KIF6: variants seen among roughly 807,000 people sequenced by gnomAD.
The protein encoded by KIF6 is kinesin-like protein KIF6.
A neutral mutation model predicts 112.7 loss-of-function variants in KIF6; 106 were observed. That is an observed-to-expected ratio of 0.94 (90% confidence interval 0.80 to 1.11). The LOEUF (loss-of-function observed/expected upper bound fraction) is 1.11. KIF6 is among the 50% of genes least tolerant of loss of function. The probability of loss-of-function intolerance (pLI) is 0.00; values close to 1 mark genes in which losing one functional copy is unlikely to be tolerated. For missense variants in KIF6, 929 were observed against 964.0 expected, an observed-to-expected ratio of 0.96 and a Z score of 0.48; for synonymous variants, 339 against 339.9, an observed-to-expected ratio of 1.00 and a Z score of 0.03.
chr6:39,421,553 A>G (rs906472417), intron 14 of KIF6, among the ~76,000 whole-genome samples: 1 of 152,222 alleles, frequency 6.6e-6, no homozygotes, highest in East Asian at 1.9e-4. Flanking sequence ...AGCAAAGGCC[A>G]GAGTGCCACG....
At chr6:39,440,396 G>A (rs761504869) in intron 13 of KIF6, among the ~76,000 whole-genome samples, 1 of 152,086 alleles carries the variant, frequency 6.6e-6, no homozygotes, top group Admixed American at 6.5e-5. Context: ...ATACAAGAAT[G>A]AGAAGCAATG....
At chr6:39,399,426 C>A (rs1768520410) in intron 15 of KIF6, among the ~76,000 whole-genome samples, 1 of 152,202 alleles carries the variant, frequency 6.6e-6, no homozygotes, top group Non-Finnish European at 1.5e-5. Context: ...GGTCCTGCGA[C>A]TAAAGAACCG....
At chr6:39,677,077 T>C (rs1011111154) in intron 3 of KIF6, among the ~76,000 whole-genome samples, 1 of 152,138 alleles carries the variant, frequency 6.6e-6, no homozygotes, top group Non-Finnish European at 1.5e-5. Context: ...TGTGATCATA[T>C]CAATATGCTT....
intron 13 of KIF6, among the ~76,000 whole-genome samples, chr6:39,474,002 A>G (rs1207944220): frequency 6.6e-6 from 1 of 152,148 alleles, no homozygotes; most frequent in African/African-American, 2.4e-5. Flanking sequence ...TGGTCTCTGG[A>G]AAATCCGATC....
intron 12 of KIF6, among the ~76,000 whole-genome samples, chr6:39,540,622 C>G (rs1327806353): frequency 1.3e-5 from 2 of 152,368 alleles, no homozygotes; most frequent in East Asian, 3.9e-4. Flanking sequence ...CGAGCACGCG[C>G]CTGCTCGGGA....
chr6:39,584,417 TAAAAAAAA>T lies in KIF6; in HGVS notation c.1077+473_1077+480del, dbSNP rs61215070. 1.2e-3 allele frequency among the ~76,000 whole-genome samples: 55 copies of T among 46,054 alleles called. 2 individuals are homozygous for T. Among genetic ancestry groups the T allele is most frequent in the African/African-American group, 1.7e-3 (35 of 21,036 alleles). 30.2% of individuals were successfully genotyped at this position (46,054 alleles called of 152,430 possible). A position where few individuals can be genotyped will look rare whatever the true frequency, so the allele number is the denominator to read the frequency against. Reference sequence around the variant, plus strand: ...TCCAGCCTGAGCAAGACTCTGTCTCTAAAAAAAAAAAAAAAAAAAAAAAAAAAAAAAAA... The same window carrying T: ...TCCAGCCTGAGCAAGACTCTGTCTCTAAAAAAAAAAAAAAAAAAAAAAAAA... On this transcript the variant is annotated intron_variant, in intron 9 of 22. Transcript: ENST00000287152.
intron 3 of KIF6, among the ~76,000 whole-genome samples, chr6:39,677,658 A>C (rs1787237669): frequency 7.5e-6 from 1 of 133,412 alleles, no homozygotes; most frequent in African/African-American, 2.9e-5. Flanking sequence ...CATTAGGTAT[A>C]TCTCCCAATG....
chr6:39,426,224 T>C (rs58363063), intron 14 of KIF6, among the ~76,000 whole-genome samples: 3 of 152,242 alleles, frequency 2.0e-5, no homozygotes, highest in East Asian at 3.9e-4. Context: ...GCCTGGAAAA[T>C]GTGATTGTGA....
intron 13 of KIF6, among the ~76,000 whole-genome samples, chr6:39,526,612 C>T (rs951548559): frequency 6.6e-6 from 1 of 152,222 alleles, no homozygotes; most frequent in African/African-American, 2.4e-5. Context: ...CTCTCCCCCA[C>T]AACCCCTTCT....
intron 13 of KIF6, among the ~76,000 whole-genome samples, chr6:39,452,363 G>C (rs1772759133): frequency 6.6e-6 from 1 of 152,234 alleles, no homozygotes. Flanking sequence ...GTTAACTTTA[G>C]CTGGTATGGC....
chr6:39,628,759 A>T (rs1258658174), intron 5 of KIF6, among the ~76,000 whole-genome samples: 12 of 152,020 alleles, frequency 7.9e-5, no homozygotes, highest in Admixed American at 7.9e-4. Flanking sequence ...GTATGATATC[A>T]TGTGCCCACC....
intron 12 of KIF6, among the ~76,000 whole-genome samples, chr6:39,543,820 C>T (rs539943645): frequency 1.3e-5 from 2 of 152,294 alleles, no homozygotes; most frequent in African/African-American, 4.8e-5. Context: ...GTAACCACTT[C>T]GTCTGCAACT....
chr6:39,562,573 C>T (rs537253339), intron 10 of KIF6, among the ~76,000 whole-genome samples: 11 of 152,312 alleles, frequency 7.2e-5, no homozygotes, highest in African/African-American at 2.6e-4. Flanking sequence ...CCACTGTAAA[C>T]CTCACACCTT....
intron 3 of KIF6, among the ~76,000 whole-genome samples, chr6:39,655,844 G>C (rs1785751597): frequency 6.6e-6 from 1 of 152,160 alleles, no homozygotes; most frequent in Non-Finnish European, 1.5e-5. Flanking sequence ...AATACAGTCT[G>C]ATATCTGCCA....
intron 22 of KIF6, among the ~76,000 whole-genome samples, chr6:39,336,986 C>T (rs114521984): frequency 0.015 from 2,246 of 148,204 alleles, 54 homozygotes; most frequent in African/African-American, 0.053. Context: ...CTTTCTCTCC[C>T]CTTCTTTCCT....
intron 13 of KIF6, among the ~76,000 whole-genome samples, chr6:39,524,548 G>A (rs2150531114): frequency 6.6e-6 from 1 of 152,248 alleles, no homozygotes; most frequent in African/African-American, 2.4e-5. Flanking sequence ...GCCTATCTGG[G>A]GATTTTCTCA....
At chr6:39,498,592 G>A (rs908860588) in intron 13 of KIF6, among the ~76,000 whole-genome samples, 1 of 152,142 alleles carries the variant, frequency 6.6e-6, no homozygotes, top group Non-Finnish European at 1.5e-5. Context: ...TTGTTGTAGT[G>A]TGAAAGCAGC....
At chr6:39,525,583 C>T (rs1009721302) in intron 13 of KIF6, among the ~76,000 whole-genome samples, 11 of 151,876 alleles carry the variant, frequency 7.2e-5, no homozygotes, top group Non-Finnish European at 1.2e-4. Context: ...GGCAAAACCC[C>T]GTCTCTACTA....
intron 13 of KIF6, among the ~76,000 whole-genome samples, chr6:39,508,792 C>G (rs530048788): frequency 3.9e-5 from 6 of 152,316 alleles, no homozygotes; most frequent in Non-Finnish European, 7.3e-5. Context: ...CTTCTGGGGG[C>G]AGGGCACATC....
Sources: gnomAD v4.1 joint callset for allele counts (sites outside exome capture counted in the v4.1 genomes callset) on GRCh38, gnomAD v4.1.1 for gene constraint, MANE v1.5 for transcripts, NCBI Gene and HGNC (gene_info 2026-07-23, HGNC 2026-07-21) for gene names.